Variants in NOL4 observed in about 807,000 individuals in gnomAD.
The protein encoded by NOL4 is cancer/testis antigen 125.
NOL4 carries 17 observed loss-of-function variants against 75.9 expected under a neutral mutation model. The observed-to-expected ratio is 0.22, with a 90% CI of 0.15 to 0.34. The LOEUF (loss-of-function observed/expected upper bound fraction) is 0.34. Among genes scored for constraint, NOL4 ranks in the 10% least tolerant of loss-of-function variants. NOL4 has a pLI of 1.00. For missense variants in NOL4, 614 were observed against 793.5 expected (o/e 0.77, Z 2.72); for synonymous variants, 292 against 289.9 (o/e 1.01, Z -0.07).
intron 1 of NOL4, among the ~76,000 whole-genome samples, chr18:34,204,573 A>G (rs1474163632): frequency 6.6e-6 from 1 of 152,170 alleles, no homozygotes; most frequent in Non-Finnish European, 1.5e-5. Context: ...ATGAGTGAAG[A>G]AAATTAAATC....
intron 5 of NOL4, among the ~76,000 whole-genome samples, chr18:34,041,151 T>G (rs990400741): frequency 6.6e-6 from 1 of 151,984 alleles, no homozygotes; most frequent in Non-Finnish European, 1.5e-5. Context: ...AGTCCCAGCA[T>G]TGTTACTTTT....
chr18:33,992,980 A>C (rs1288183691), intron 6 of NOL4, among the ~76,000 whole-genome samples: 1 of 152,012 alleles, frequency 6.6e-6, no homozygotes, highest in Non-Finnish European at 1.5e-5. Flanking sequence ...CCAAAAACTA[A>C]ATAGAGGTTT....
At chr18:33,970,801 G>A (rs2070995232) in intron 6 of NOL4, among the ~76,000 whole-genome samples, 1 of 151,934 alleles carries the variant, frequency 6.6e-6, no homozygotes, top group South Asian at 2.1e-4. Flanking sequence ...TTCTCTCGGA[G>A]TTTCCAGGCC....
chr18:34,028,547 T>TGAAACCACAAGTC (rs1378790235), intron 5 of NOL4, among the ~76,000 whole-genome samples: 1 of 152,174 alleles, frequency 6.6e-6, no homozygotes, highest in Non-Finnish European at 1.5e-5. Context: ...CAAAGGGCAA[T>TGAAACCACAAGTC]GAAACCACAA....
chr18:34,169,724 A>G (rs1006441516), intron 1 of NOL4, among the ~76,000 whole-genome samples: 2 of 152,136 alleles, frequency 1.3e-5, no homozygotes, highest in East Asian at 1.9e-4. Context: ...TAGAAAATCA[A>G]TTGTCATCCA....
chr18:33,890,024 A>G (rs570776267), intron 9 of NOL4, among the ~76,000 whole-genome samples: 1 of 152,276 alleles, frequency 6.6e-6, no homozygotes, highest in East Asian at 1.9e-4. Flanking sequence ...ATAGTTTTGG[A>G]AGTTCTGGCT....
rs2032736582 is a variant in NOL4 at position 34,169,015 on chromosome 18, CACT to C, written c.265-38998_265-38996del. ...TCAGACATACAAAGCTAAAATAATT[CACT>C]ACTACCAGATCTGTTTATAATAAAT... On this transcript the variant is annotated intron_variant, in intron 1 of 10. Transcript: ENST00000261592. 4.6e-5 allele frequency among the ~76,000 whole-genome samples: 7 copies of C among 151,888 alleles called. No homozygotes were observed. In the South Asian group the frequency reaches 1.5e-3, roughly 32 times the overall value.
intron 1 of NOL4, among the ~76,000 whole-genome samples, chr18:34,133,772 C>T (rs1291190233): frequency 5.9e-5 from 9 of 152,044 alleles, no homozygotes; most frequent in East Asian, 3.9e-4. Context: ...GCCTGTAATT[C>T]GAGCTCTTTG....
intron 10 of NOL4, among the ~76,000 whole-genome samples, chr18:33,881,583 T>C (rs1375889764): frequency 6.6e-6 from 1 of 151,370 alleles, no homozygotes; most frequent in African/African-American, 2.4e-5. Context: ...GAACATTCCA[T>C]GCTCATGGGT....
chr18:34,059,009 GC>G (rs2076946702), intron 5 of NOL4, among the ~76,000 whole-genome samples: 1 of 151,104 alleles, frequency 6.6e-6, no homozygotes. Context: ...ATTGTAAAAT[GC>G]AAATCTTATT....
chr18:33,888,039 G>A (rs187782866), intron 9 of NOL4, among the ~76,000 whole-genome samples: 1 of 152,288 alleles, frequency 6.6e-6, no homozygotes, highest in African/African-American at 2.4e-5. Context: ...CCCACGAACA[G>A]CTTAAAAGTG....
intron 9 of NOL4, among the ~76,000 whole-genome samples, chr18:33,885,952 A>C (rs2064617477): frequency 6.6e-6 from 1 of 152,206 alleles, no homozygotes; most frequent in Non-Finnish European, 1.5e-5. Context: ...AATACAGAAA[A>C]TGTGGTACAT....
At chr18:33,912,207 A>T (rs960624030) in intron 9 of NOL4, among the ~76,000 whole-genome samples, 2 of 152,070 alleles carry the variant, frequency 1.3e-5, no homozygotes, top group African/African-American at 4.8e-5. Flanking sequence ...GAAATGTCTC[A>T]TCCTTTCCTG....
At chr18:34,144,901 A>T (rs575583963) in intron 1 of NOL4, among the ~76,000 whole-genome samples, 10 of 152,092 alleles carry the variant, frequency 6.6e-5, no homozygotes, top group Non-Finnish European at 1.3e-4. Context: ...TTTCAAATTC[A>T]ACTTCTTTTT....
At chr18:33,956,495 G>T (rs1385939287) in intron 8 of NOL4, among the ~76,000 whole-genome samples, 1 of 152,018 alleles carries the variant, frequency 6.6e-6, no homozygotes, top group Non-Finnish European at 1.5e-5. Flanking sequence ...AACAGCCTAG[G>T]CTTTTATGGC....
At chr18:34,066,759 A>G (rs984733492) in intron 5 of NOL4, among the ~76,000 whole-genome samples, 9 of 151,720 alleles carry the variant, frequency 5.9e-5, no homozygotes, top group Middle Eastern at 3.2e-3. Flanking sequence ...CCTTTGTTCA[A>G]GAAAATTGTG....
chr18:33,885,630 G>A (rs1442450093), intron 9 of NOL4, among the ~76,000 whole-genome samples: 2 of 152,028 alleles, frequency 1.3e-5, no homozygotes, highest in East Asian at 1.9e-4. Context: ...GTATCATCTC[G>A]CCCCAGTTAA....
chr18:34,082,615 T>C (rs2078062580), intron 5 of NOL4, among the ~76,000 whole-genome samples: 1 of 152,174 alleles, frequency 6.6e-6, no homozygotes, highest in Non-Finnish European at 1.5e-5. Flanking sequence ...AACAAACTAC[T>C]GGTTCTGCTG....
chr18:33,954,024 T>A (rs2069454862), intron 8 of NOL4, among the ~76,000 whole-genome samples: 1 of 152,140 alleles, frequency 6.6e-6, no homozygotes. Context: ...TTATAAGAAC[T>A]AATTCAGTAG....
Sources: allele counts gnomAD v4.1 joint callset (sites outside exome capture counted in the v4.1 genomes callset), GRCh38; gene constraint gnomAD v4.1.1; transcripts MANE v1.5; gene names NCBI Gene and HGNC (gene_info 2026-07-23, HGNC 2026-07-21).